CATSPERH: variants seen among roughly 807,000 people sequenced by gnomAD.
The protein encoded by CATSPERH is cation channel sperm-associated auxiliary subunit eta.
the CATSPERH span, chr11:65,088,460 G>C: frequency 6.5e-7 from 1 of 1,536,242 alleles, no homozygotes; most frequent in South Asian, 1.2e-5. Flanking sequence ...AGGCCTCAGT[G>C]GTGCTCCTCC....
the CATSPERH span, chr11:65,088,988 C>G: frequency 2.0e-6 from 3 of 1,535,744 alleles, no homozygotes; most frequent in East Asian, 7.3e-5. Context: ...GAGCATCATG[C>G]CTTTTGGGAA....
chr11:65,088,675 A>C, the CATSPERH span: 2 of 1,536,320 alleles, frequency 1.3e-6, no homozygotes. Context: ...GCGGAGAAGC[A>C]GACGTACTTG....
At chr11:65,088,716 A>G in the CATSPERH span, 2 of 1,536,182 alleles carry the variant, frequency 1.3e-6, no homozygotes, top group African/African-American at 1.4e-5. Flanking sequence ...GAGTGACCCC[A>G]TGGCAGCCCA....
the CATSPERH span, chr11:65,088,807 A>C: frequency 6.5e-7 from 1 of 1,535,294 alleles, no homozygotes; most frequent in Non-Finnish European, 8.7e-7. Context: ...GGTTTCCATC[A>C]GCCCCTCGGG....
the CATSPERH span, chr11:65,088,640 C>T: frequency 6.5e-7 from 1 of 1,536,156 alleles, no homozygotes; most frequent in Non-Finnish European, 8.7e-7. Flanking sequence ...CCTCCCACTC[C>T]TGCCACTCAC....
chr11:65,088,610 C>G, the CATSPERH span: 17 of 1,532,428 alleles, frequency 1.1e-5, no homozygotes, highest in Non-Finnish European at 1.4e-5. Context: ...GGTTCCAAAG[C>G]TCCCCGCTCC....
chr11:65,088,398 A>G, the CATSPERH span: 1 of 1,499,382 alleles, frequency 6.7e-7, no homozygotes, highest in East Asian at 2.5e-5. Context: ...CTTTATTAAA[A>G]CACCCGAGGC....
At chr11:65,088,654 G>T in the CATSPERH span, 1 of 1,536,342 alleles carries the variant, frequency 6.5e-7, no homozygotes, top group Non-Finnish European at 8.7e-7. Flanking sequence ...CACTCACTCA[G>T]GATGGTCAGG....
At chr11:65,088,399 C>T in the CATSPERH span, 1 of 1,499,406 alleles carries the variant, frequency 6.7e-7, no homozygotes, top group South Asian at 1.2e-5. Flanking sequence ...TTTATTAAAA[C>T]ACCCGAGGCA....
chr11:65,088,402 C>G, the CATSPERH span: 1 of 1,506,460 alleles, frequency 6.6e-7, no homozygotes, highest in Non-Finnish European at 8.9e-7. Flanking sequence ...ATTAAAACAC[C>G]CGAGGCAGCC....
the CATSPERH span, chr11:65,088,766 G>A: frequency 6.5e-7 from 1 of 1,535,732 alleles, no homozygotes; most frequent in Non-Finnish European, 8.7e-7. Context: ...GGCCCATCCA[G>A]TGGGAGAGTG....
chr11:65,088,444 C>G, the CATSPERH span: 2 of 1,536,230 alleles, frequency 1.3e-6, no homozygotes, highest in Non-Finnish European at 1.7e-6. Context: ...CCTGTTCCGA[C>G]TCCCCAGGCC....
At chr11:65,088,473 G>A in the CATSPERH span, 1 of 1,536,038 alleles carries the variant, frequency 6.5e-7, no homozygotes, top group African/African-American at 1.4e-5. Context: ...GCTCCTCCCG[G>A]TACTCGATGG....
the CATSPERH span, chr11:65,089,023 C>G: frequency 6.5e-7 from 1 of 1,535,486 alleles, no homozygotes; most frequent in Non-Finnish European, 8.7e-7. Flanking sequence ...TGCGGTCTTG[C>G]AGCCACATCT....
chr11:65,088,940 C>T, the CATSPERH span: 256 of 1,535,610 alleles, frequency 1.7e-4, no homozygotes, highest in Non-Finnish European at 2.1e-4. Context: ...GATGAAGATG[C>T]CCAGGTGTAA....
the CATSPERH span, chr11:65,088,665 G>A: frequency 6.5e-7 from 1 of 1,536,366 alleles, no homozygotes; most frequent in Non-Finnish European, 8.7e-7. Context: ...GATGGTCAGG[G>A]CGGAGAAGCA....
chr11:65,088,520 C>T, the CATSPERH span: 11 of 1,535,966 alleles, frequency 7.2e-6, no homozygotes, highest in South Asian at 1.2e-4. Flanking sequence ...AAGAACATGG[C>T]TCCGTTGAGC....
At chr11:65,089,088 C>A in the CATSPERH span, 1 of 1,390,096 alleles carries the variant, frequency 7.2e-7, no homozygotes, top group Non-Finnish European at 9.8e-7. Context: ...CAGGCCCTGC[C>A]CAGGAAAAGC....
At chr11:65,088,459 T>C in the CATSPERH span, 1 of 1,536,082 alleles carries the variant, frequency 6.5e-7, no homozygotes, top group African/African-American at 1.4e-5. Flanking sequence ...CAGGCCTCAG[T>C]GGTGCTCCTC....
Sources: allele counts gnomAD v4.1 joint callset, GRCh38; gene constraint gnomAD v4.1.1; transcripts MANE v1.5; gene names NCBI Gene and HGNC (gene_info 2026-07-23, HGNC 2026-07-21).